The following LSAMP variants were observed in gnomAD, a reference collection of about 807,000 sequenced individuals.
The protein encoded by LSAMP is limbic system associated membrane protein.
LSAMP carries 7 observed loss-of-function variants against 38.6 expected under a neutral mutation model. That is an observed-to-expected ratio of 0.18 (90% CI 0.10 to 0.34). The LOEUF (loss-of-function observed/expected upper bound fraction) is 0.34, where lower values mean the gene tolerates loss of function less well. Ranked by LOEUF, LSAMP falls within the 10% of genes least tolerant of loss-of-function variation. The pLI is 1.00. For missense variants in LSAMP, 313 were observed against 420.0 expected (o/e 0.75, Z 2.23); for synonymous variants, 154 against 166.8 (o/e 0.92, Z 0.59).
At chr3:115,972,514 G>T (rs1014473343) in intron 3 of LSAMP, among the ~76,000 whole-genome samples, 1 of 151,396 alleles carries the variant, frequency 6.6e-6, no homozygotes, top group East Asian at 1.9e-4. Flanking sequence ...TCCCCACAAA[G>T]TATTTCCATT....
chr3:116,122,083 G>C (rs1451321302), intron 1 of LSAMP, among the ~76,000 whole-genome samples: 2 of 151,966 alleles, frequency 1.3e-5, no homozygotes, highest in African/African-American at 4.8e-5. Flanking sequence ...TAAAAATCAA[G>C]GCATCAAAGC....
At chr3:115,910,258 C>T (rs1937105705) in intron 3 of LSAMP, among the ~76,000 whole-genome samples, 2 of 152,170 alleles carry the variant, frequency 1.3e-5, no homozygotes, top group Non-Finnish European at 2.9e-5. Context: ...ACCTGGGAAA[C>T]AGAGTTATGC....
intron 2 of LSAMP, among the ~76,000 whole-genome samples, chr3:116,060,741 C>G (rs1329184980): frequency 6.6e-6 from 1 of 152,048 alleles, no homozygotes; most frequent in Non-Finnish European, 1.5e-5. Context: ...GCCTGGGCAA[C>G]AAGAGTGAAA....
chr3:115,998,818 G>A (rs981087946), intron 3 of LSAMP, among the ~76,000 whole-genome samples: 8 of 152,036 alleles, frequency 5.3e-5, no homozygotes, highest in African/African-American at 1.2e-4. Flanking sequence ...TCTCCCGCCC[G>A]TGTTCCGACA....
chr3:116,409,539 T>G (rs990556332), intron 1 of LSAMP, among the ~76,000 whole-genome samples: 2 of 152,006 alleles, frequency 1.3e-5, no homozygotes, highest in African/African-American at 4.8e-5. Context: ...AATCCATTCT[T>G]TAAAAATAGC....
intron 1 of LSAMP, among the ~76,000 whole-genome samples, chr3:116,159,499 AAAAG>A (rs1709832202): frequency 1.3e-5 from 2 of 152,226 alleles, no homozygotes; most frequent in South Asian, 4.1e-4. Context: ...GCATATTAAA[AAAAG>A]CTCAATGTCA....
chr3:116,224,034 A>C (rs573416769), intron 1 of LSAMP, among the ~76,000 whole-genome samples: 1 of 152,220 alleles, frequency 6.6e-6, no homozygotes, highest in East Asian at 1.9e-4. Flanking sequence ...CTTTCCTGAA[A>C]TTCCATGCTG....
chr3:116,394,818 A>G (rs1162073709), intron 1 of LSAMP, among the ~76,000 whole-genome samples: 9 of 152,176 alleles, frequency 5.9e-5, no homozygotes, highest in Admixed American at 5.9e-4. Flanking sequence ...AAGTGTTAAT[A>G]TGTAAAATCT....
chr3:116,368,740 G>T (rs942089361), intron 1 of LSAMP, among the ~76,000 whole-genome samples: 4 of 152,150 alleles, frequency 2.6e-5, no homozygotes, highest in African/African-American at 9.7e-5. Flanking sequence ...TAAGATAAAA[G>T]AATAATTAGT....
At chr3:115,878,794 T>C (rs1936252298) in intron 3 of LSAMP, among the ~76,000 whole-genome samples, 1 of 152,016 alleles carries the variant, frequency 6.6e-6, no homozygotes, top group Non-Finnish European at 1.5e-5. Flanking sequence ...ATTGTAATAA[T>C]AATAACAACA....
In LSAMP at chr3:116,051,989, A is replaced by C. The variant is rs1941405450; in HGVS notation, c.389-32349T>G. On this transcript the variant is annotated intron_variant, in intron 2 of 6. Transcript: ENST00000490035. The stretch of plus-strand genomic sequence containing the variant: ...GTTGAGCAAAGCAAGAAGTGCTAAG[A>C]TGTGAAGTAAGAAAGAACATAGAGA... Among the ~76,000 whole-genome samples the C allele has an allele frequency of 2.0e-5, 3 of 152,208 alleles. No individual in the cohort carries two copies. The South Asian group carries it at 6.2e-4, about 31-fold the overall frequency.
chr3:116,029,381 A>G (rs539995392), intron 2 of LSAMP, among the ~76,000 whole-genome samples: 25 of 152,180 alleles, frequency 1.6e-4, no homozygotes, highest in Non-Finnish European at 3.2e-4. Context: ...AAATACAGAA[A>G]CTATAGCTTC....
At chr3:116,381,108 T>A (rs769465672) in intron 1 of LSAMP, among the ~76,000 whole-genome samples, 2 of 152,120 alleles carry the variant, frequency 1.3e-5, no homozygotes, top group African/African-American at 4.8e-5. Context: ...TGTTTGTTAC[T>A]CCATTTTGGT....
At chr3:116,193,858 C>G (rs1385289526) in intron 1 of LSAMP, among the ~76,000 whole-genome samples, 1 of 152,138 alleles carries the variant, frequency 6.6e-6, no homozygotes, top group Non-Finnish European at 1.5e-5. Context: ...AATAATAAGT[C>G]CAGTGCTTTT....
intron 3 of LSAMP, among the ~76,000 whole-genome samples, chr3:115,878,582 C>T (rs1486368534): frequency 2.0e-5 from 3 of 150,002 alleles, no homozygotes; most frequent in South Asian, 2.1e-4. Context: ...TTGTCTCAGC[C>T]TCCAGAGTAG....
intron 3 of LSAMP, among the ~76,000 whole-genome samples, chr3:115,964,150 A>G (rs1938719504): frequency 6.6e-6 from 1 of 152,026 alleles, no homozygotes; most frequent in Non-Finnish European, 1.5e-5. Context: ...CTTTTATTGT[A>G]TCCTGTTTGT....
chr3:116,187,789 CA>C (rs1484391552), intron 1 of LSAMP, among the ~76,000 whole-genome samples: 1 of 152,064 alleles, frequency 6.6e-6, no homozygotes. Context: ...CCTTTGTACA[CA>C]TTTTTTTCAC....
At chr3:116,307,163 A>C (rs2047495047) in intron 1 of LSAMP, among the ~76,000 whole-genome samples, 1 of 151,998 alleles carries the variant, frequency 6.6e-6, no homozygotes, top group African/African-American at 2.4e-5. Flanking sequence ...AAACCTTTGC[A>C]TTCTCTTTGC....
chr3:116,300,488 G>C (rs2047391501), intron 1 of LSAMP, among the ~76,000 whole-genome samples: 2 of 152,156 alleles, frequency 1.3e-5, no homozygotes, highest in Admixed American at 1.3e-4. Flanking sequence ...ATACTGGTCT[G>C]TGCCCTGTTA....
Sources: allele counts gnomAD v4.1 joint callset (sites outside exome capture counted in the v4.1 genomes callset), GRCh38; gene constraint gnomAD v4.1.1; transcripts MANE v1.5; gene names NCBI Gene and HGNC (gene_info 2026-07-23, HGNC 2026-07-21).